CMIP: variants seen among roughly 807,000 people sequenced by gnomAD.
CMIP encodes the protein c-Maf inducing protein, also known as C-Maf-inducing protein.
A neutral mutation model predicts 97.3 loss-of-function variants in CMIP; 13 were observed. The ratio of observed to expected loss-of-function variants is 0.13; its 90% CI spans 0.09 to 0.21. The LOEUF (loss-of-function observed/expected upper bound fraction) is 0.21, where lower values mean the gene tolerates loss of function less well. CMIP is among the 10% of genes least tolerant of loss of function. The probability of loss-of-function intolerance (pLI) is 1.00; values close to 1 mark genes in which losing one functional copy is unlikely to be tolerated. For missense variants in CMIP, 847 were observed against 1,024.9 expected (o/e 0.83, Z 2.37); for synonymous variants, 538 against 436.3 (o/e 1.23, Z -2.91).
chr16:81,620,700 G>A (rs2150960673), intron 2 of CMIP, 176 bp from the exon 3 acceptor site: 2 of 637,374 alleles, frequency 3.1e-6, no homozygotes, highest in Admixed American at 2.9e-5. Flanking sequence ...CAGCCCTTCT[G>A]TTTTGGTTTT....
intron 9 of CMIP, among the ~76,000 whole-genome samples, chr16:81,676,574 T>G (rs897351401): frequency 5.3e-5 from 8 of 151,848 alleles, no homozygotes; most frequent in Non-Finnish European, 2.9e-5. Context: ...AGAATTTAGG[T>G]CTCCCCCCAT....
intron 1 of CMIP, among the ~76,000 whole-genome samples, chr16:81,458,663 C>A (rs2150735917): frequency 6.6e-6 from 1 of 152,284 alleles, no homozygotes; most frequent in South Asian, 2.1e-4. Flanking sequence ...CCCCTGCCTG[C>A]CCAGGTCAGT....
intron 1 of CMIP, among the ~76,000 whole-genome samples, chr16:81,587,502 ACAGATTGCG>A (rs1285255568): frequency 6.6e-6 from 1 of 152,166 alleles, no homozygotes. Flanking sequence ...CAGCTGCTGC[ACAGATTGCG>A]CAGATCATCA....
chr16:81,673,458 G>T (rs56812592), intron 9 of CMIP, among the ~76,000 whole-genome samples: 4,121 of 152,224 alleles, frequency 0.027, 92 homozygotes, highest in African/African-American at 0.059. Flanking sequence ...AGAGGTTGCA[G>T]TGAGCCAAGA....
chr16:81,622,896 C>CT (rs1280055508), intron 3 of CMIP, among the ~76,000 whole-genome samples: 1 of 152,216 alleles, frequency 6.6e-6, no homozygotes, highest in African/African-American at 2.4e-5. Context: ...AAAGCTCGGC[C>CT]TTGAAACATT....
At chr16:81,693,316 C>T (rs1304225720) in intron 12 of CMIP, 123 bp from the exon 13 acceptor site, 3 of 1,421,720 alleles carry the variant, frequency 2.1e-6, no homozygotes, top group Admixed American at 3.9e-5. Context: ...GACACGTGTC[C>T]CTGATCCACC....
Position 81,634,182 on chromosome 16 carries a change from G to A in CMIP, c.477+13256G>A, listed in dbSNP as rs377132156. 5.9e-5 allele frequency among the ~76,000 whole-genome samples: 9 copies of A among 152,342 alleles called. No homozygotes were observed. The East Asian group carries it at 7.7e-4, about 13-fold the overall frequency. The stretch of plus-strand genomic sequence containing the variant: ...CCGGGTGACTGTGATGCACCCCAGC[G>A]TTTGAGAACCACTGCAGTAGTGTGA... On this transcript the variant is annotated intron_variant, in intron 3 of 20. Transcript: ENST00000537098.
Position 81,590,849 on chromosome 16 carries a change from A to ATCCG in CMIP, c.301-16715_301-16714insGTCC, listed in dbSNP as rs1465781151. Among the ~76,000 whole-genome samples, 4 of 152,100 alleles carry ATCCG rather than the reference A, an allele frequency of 2.6e-5. No homozygotes were observed. In the South Asian group the frequency reaches 8.3e-4, roughly 32 times the overall value. ...CATCCATCCATCCATCCATCCATCC[A>ATCCG]TCCATCCATCCATCCATCCATCACA... On this transcript the variant is annotated intron_variant, in intron 1 of 20. Coordinates refer to ENST00000537098, the MANE Select transcript of CMIP (RefSeq NM_198390.3).
At chr16:81,480,878 C>G (rs954995815) in intron 1 of CMIP, among the ~76,000 whole-genome samples, 10 of 152,140 alleles carry the variant, frequency 6.6e-5, no homozygotes, top group Non-Finnish European at 8.8e-5. Flanking sequence ...CTGGTGGGGA[C>G]CTCAGCTGAA....
chr16:81,526,412 C>A (rs959615082), intron 1 of CMIP, among the ~76,000 whole-genome samples: 2 of 152,134 alleles, frequency 1.3e-5, no homozygotes, highest in African/African-American at 4.8e-5. Context: ...CAATAGAAAT[C>A]GCGGGTGTTT....
At chr16:81,700,281 C>G (rs771671080) in intron 15 of CMIP, among the ~76,000 whole-genome samples, 8 of 152,026 alleles carry the variant, frequency 5.3e-5, no homozygotes, top group South Asian at 2.1e-4. Context: ...CACCTCGTGG[C>G]CTCCAGGTAG....
intron 1 of CMIP, among the ~76,000 whole-genome samples, chr16:81,530,178 G>C (rs1171474344): frequency 6.6e-6 from 1 of 152,160 alleles, no homozygotes; most frequent in African/African-American, 2.4e-5. Flanking sequence ...CAGGATCAAG[G>C]AAAGTCACAG....
At chr16:81,500,361 CCCTT>C (rs1404973892) in intron 1 of CMIP, among the ~76,000 whole-genome samples, 3 of 97,018 alleles carry the variant, frequency 3.1e-5, no homozygotes, top group Non-Finnish European at 2.2e-5. Flanking sequence ...CTCCTTTCCT[CCCTT>C]CCTCTCTCCT....
intron 7 of CMIP, chr16:81,665,197 G>A (rs2092590268): frequency 6.6e-6 from 1 of 152,070 alleles, no homozygotes; most frequent in Admixed American, 6.5e-5. Context: ...AGAGCGGGTG[G>A]GGCGCTTGTA....
Position 81,629,215 on chromosome 16 carries a change from G to A in CMIP, c.477+8289G>A, listed in dbSNP as rs549761383. 5.6e-5 allele frequency among the ~76,000 whole-genome samples: 8 copies of A among 142,320 alleles called. No homozygotes were observed. In the Admixed American group the frequency reaches 5.7e-4, roughly 10 times the overall value. 93.4% of individuals were successfully genotyped at this position (142,320 alleles called of 152,430 possible). Reference sequence around the variant, plus strand: ...TAGGCAGGCCCCTGTTTCTCACGCAGAAGGGCTGATTGCCTCATCCTGTCT... The same window carrying A: ...TAGGCAGGCCCCTGTTTCTCACGCAAAAGGGCTGATTGCCTCATCCTGTCT... On this transcript the variant is annotated intron_variant, in intron 3 of 20. Coordinates refer to ENST00000537098, the MANE Select transcript of CMIP (RefSeq NM_198390.3).
intron 1 of CMIP, chr16:81,517,829 C>G: frequency 2.2e-6 from 1 of 454,676 alleles, no homozygotes; most frequent in Non-Finnish European, 2.9e-6. Context: ...TTTTGGAGTT[C>G]GACGTTCTCT....
intron 5 of CMIP, 126 bp from the exon 6 acceptor site, chr16:81,660,758 G>A (rs1197486202): frequency 2.1e-6 from 2 of 952,042 alleles, no homozygotes; most frequent in Non-Finnish European, 3.4e-6. Flanking sequence ...TAATATGAAT[G>A]ATGTGATGCA....
intron 1 of CMIP, among the ~76,000 whole-genome samples, chr16:81,544,263 G>T (rs1020701413): frequency 4.6e-5 from 7 of 152,210 alleles, no homozygotes; most frequent in African/African-American, 1.7e-4. Context: ...GCAGAGGGGT[G>T]GCTTCAGCTC....
intron 2 of CMIP, among the ~76,000 whole-genome samples, chr16:81,609,188 C>A (rs1187892384): frequency 6.6e-6 from 1 of 151,770 alleles, no homozygotes; most frequent in Non-Finnish European, 1.5e-5. Flanking sequence ...CCCTCCCCCC[C>A]TCCCCACCAC....
Sources: allele counts gnomAD v4.1 joint callset (sites outside exome capture counted in the v4.1 genomes callset), GRCh38; gene constraint gnomAD v4.1.1; transcripts MANE v1.5; gene names NCBI Gene and HGNC (gene_info 2026-07-23, HGNC 2026-07-21).